TFDP1: variants seen among roughly 807,000 people sequenced by gnomAD.
The protein encoded by TFDP1 is transcription factor Dp-1.
TFDP1 carries 6 observed loss-of-function variants against 48.0 expected under a neutral mutation model. The ratio of observed to expected loss-of-function variants is 0.13; its 90% CI spans 0.07 to 0.25. The LOEUF (loss-of-function observed/expected upper bound fraction) is 0.25. TFDP1 is among the 10% of genes least tolerant of loss of function. The pLI is 1.00. For synonymous variants in TFDP1, 201 were observed against 211.6 expected (o/e 0.95, Z 0.44); for missense variants, 335 against 543.0 (o/e 0.62, Z 3.81).
chr13:113,638,472 G>A (rs1016364638), intron 11 of TFDP1, among the ~76,000 whole-genome samples: 4 of 151,252 alleles, frequency 2.6e-5, no homozygotes, highest in East Asian at 2.0e-4. Flanking sequence ...CACGTGCTGC[G>A]ATCACAGTGC....
chr13:113,634,905 CTG>C (rs1267236317), intron 8 of TFDP1, among the ~76,000 whole-genome samples: 2 of 150,736 alleles, frequency 1.3e-5, no homozygotes, highest in Non-Finnish European at 3.0e-5. Flanking sequence ...GTGCATGTGC[CTG>C]TGTGCGTGTG....
intron 2 of TFDP1, among the ~76,000 whole-genome samples, chr13:113,602,633 T>C (rs1594436864): frequency 2.6e-5 from 4 of 152,234 alleles, no homozygotes; most frequent in Admixed American, 2.0e-4. Flanking sequence ...CTTTTGAAAT[T>C]AAGATTGTTC....
chr13:113,616,941 C>A (rs1032366028), intron 3 of TFDP1, among the ~76,000 whole-genome samples: 7 of 152,226 alleles, frequency 4.6e-5, no homozygotes, highest in African/African-American at 1.2e-4. Flanking sequence ...AGCCCAGCCT[C>A]TGTTTTTAGC....
Position 113,607,754 on chromosome 13 carries a change from G to A in TFDP1, c.13-3242G>A, listed in dbSNP as rs2048604954. 6.6e-6 allele frequency among the ~76,000 whole-genome samples: 1 copy of A among 152,210 alleles called. No individual in the cohort carries two copies. Among genetic ancestry groups the A allele is most frequent in the Admixed American group, 6.5e-5 (1 of 15,286 alleles). ...GCCCGCAAGGAGGGGCTGTGCCAGTGGGTGGCGGTGACGGGGGCCAGTGGT... is the reference window on the plus strand; with the variant it reads ...GCCCGCAAGGAGGGGCTGTGCCAGTAGGTGGCGGTGACGGGGGCCAGTGGT... On this transcript the variant is annotated intron_variant, in intron 2 of 11. Coordinates refer to ENST00000375370, the MANE Select transcript of TFDP1 (RefSeq NM_007111.5). This position sits in a 1 kb window ranked among gnomAD's most constrained non-coding sequence, Gnocchi z 5.2.
At chr13:113,637,612 C>T (rs1186731925) in intron 10 of TFDP1, 1 of 1,531,286 alleles carries the variant, frequency 6.5e-7, no homozygotes. Flanking sequence ...CTGTTCTTGC[C>T]TTTTTAGAGA....
chr13:113,610,307 G>T (rs115627707), intron 2 of TFDP1, among the ~76,000 whole-genome samples: 2 of 151,644 alleles, frequency 1.3e-5, no homozygotes, highest in Admixed American at 1.3e-4. Flanking sequence ...GTACTGTCAC[G>T]TGTGTGCCCT....
At chr13:113,609,869 G>T (rs2048664482) in intron 2 of TFDP1, among the ~76,000 whole-genome samples, 1 of 152,220 alleles carries the variant, frequency 6.6e-6, no homozygotes, top group Non-Finnish European at 1.5e-5. Context: ...TGCCGTGTGT[G>T]TGCTCACACT....
chr13:113,608,427 G>A (rs770452340), intron 2 of TFDP1, among the ~76,000 whole-genome samples: 2 of 152,236 alleles, frequency 1.3e-5, no homozygotes, highest in Non-Finnish European at 2.9e-5. Flanking sequence ...AGCCCTGGCT[G>A]TGCAGGCGGG....
intron 11 of TFDP1, 123 bp downstream of exon 11, chr13:113,638,019 C>G: frequency 7.4e-7 from 1 of 1,351,292 alleles, no homozygotes; most frequent in Non-Finnish European, 1.0e-6. Flanking sequence ...CGTGGCTTGT[C>G]TGTCCAGGCA....
At chr13:113,616,413 A>G (rs925506899) in intron 3 of TFDP1, among the ~76,000 whole-genome samples, 3 of 152,104 alleles carry the variant, frequency 2.0e-5, no homozygotes, top group African/African-American at 7.2e-5. Context: ...GATTTTTAAC[A>G]TAGTAAATCC....
rs548162152 is a variant in TFDP1 at position 113,618,379 on chromosome 13, G to C, written c.80-4801G>C. ...TCTACAAAAAATACAAAAATTAGCC[G>C]GGTATGGTTGTGCGAGCCTGTAGTA... On this transcript the variant is annotated intron_variant, in intron 3 of 11. Transcript: ENST00000375370. Among the ~76,000 whole-genome samples, 17 of 152,196 alleles carry C rather than the reference G, an allele frequency of 1.1e-4. No individual in the cohort carries two copies. The East Asian group carries it at 3.3e-3, about 29-fold the overall frequency.
intron 3 of TFDP1, among the ~76,000 whole-genome samples, chr13:113,613,295 G>A (rs914910230): frequency 6.6e-6 from 1 of 152,140 alleles, no homozygotes; most frequent in African/African-American, 2.4e-5. Flanking sequence ...ATTACAGGCG[G>A]GAGCCACTGC....
rs751543362 is a variant in TFDP1 at position 113,634,548 on chromosome 13, G to A, written c.633G>A (p.Arg211=). 5.6e-6 allele frequency: 9 copies of A among 1,613,598 alleles called. No homozygotes were observed. The highest frequency in any genetic ancestry group is 7.6e-6 in the Non-Finnish European group (9 of 1,179,852). Reference sequence around the variant, plus strand: ...TGTTTTTGAAGGTGGAAAGACAGAGGAGACTTGAAAGAATAAAACAGAAAC... The same window carrying A: ...TGTTTTTGAAGGTGGAAAGACAGAGAAGACTTGAAAGAATAAAACAGAAAC... ...ECQNLEVERQ[R]RLERIKQKQS... The change falls in exon 8 of 12, where the codon AGG becomes AGA. Residue 211 remains arginine (R), a synonymous_variant. Transcript: ENST00000375370.
At chr13:113,593,828 G>A (rs2048212750) in intron 2 of TFDP1, among the ~76,000 whole-genome samples, 3 of 139,872 alleles carry the variant, frequency 2.1e-5, no homozygotes, top group South Asian at 2.3e-4. Flanking sequence ...GGCGTGATGC[G>A]TGTGGGTCCT....
chr13:113,587,974 G>C (rs369665477), intron 2 of TFDP1, among the ~76,000 whole-genome samples: 269 of 152,194 alleles, frequency 1.8e-3, no homozygotes, highest in African/African-American at 6.0e-3. Context: ...CTTCTCCTCA[G>C]CCTCCCAAAT....
chr13:113,594,357 A>G (rs1308355023), intron 2 of TFDP1, among the ~76,000 whole-genome samples: 2 of 125,572 alleles, frequency 1.6e-5, no homozygotes, highest in East Asian at 5.1e-4. Flanking sequence ...GTCCTCAGCT[A>G]TACACAGGTG....
intron 11 of TFDP1, among the ~76,000 whole-genome samples, chr13:113,638,132 A>G (rs1169059771): frequency 6.6e-6 from 1 of 152,114 alleles, no homozygotes; most frequent in Non-Finnish European, 1.5e-5. Context: ...TTTTCATAGT[A>G]TCACCTAATA....
At chr13:113,618,616 G>A (rs892865276) in intron 3 of TFDP1, among the ~76,000 whole-genome samples, 2 of 152,194 alleles carry the variant, frequency 1.3e-5, no homozygotes, top group African/African-American at 2.4e-5. Context: ...CCACTGGTGC[G>A]TCTGGCCTGG....
At chr13:113,630,384 C>T (rs971144061) in intron 4 of TFDP1, among the ~76,000 whole-genome samples, 5 of 152,100 alleles carry the variant, frequency 3.3e-5, no homozygotes, top group African/African-American at 7.2e-5. Context: ...TTTTCTTCTC[C>T]GGAGCTGACA....
Sources: allele counts gnomAD v4.1 joint callset (sites outside exome capture counted in the v4.1 genomes callset), GRCh38; gene constraint gnomAD v4.1.1; non-coding constraint Gnocchi (gnomAD v3.1); transcripts MANE v1.5; gene names NCBI Gene and HGNC (gene_info 2026-07-23, HGNC 2026-07-21).